The following EPHA3 variants were observed in gnomAD, a reference collection of about 807,000 sequenced individuals.
The protein encoded by EPHA3 is EPH receptor A3, also known as ephrin type-A receptor 3.
Under a neutral mutation model 107.1 loss-of-function variants are expected in EPHA3, and 42 were observed. The observed-to-expected ratio is 0.39, with a 90% CI of 0.31 to 0.51. EPHA3 has a LOEUF of 0.51. Among genes scored for constraint, EPHA3 ranks in the 20% least tolerant of loss-of-function variants. The probability of loss-of-function intolerance (pLI) is 0.78; values close to 1 mark genes in which losing one functional copy is unlikely to be tolerated. For missense variants in EPHA3, 1,183 were observed against 1,211.2 expected, an observed-to-expected ratio of 0.98 and a Z score of 0.35; for synonymous variants, 461 against 424.8, an observed-to-expected ratio of 1.09 and a Z score of -1.05.
At chr3:89,221,957 CAT>C (rs1172763045) in intron 3 of EPHA3, among the ~76,000 whole-genome samples, 2 of 152,048 alleles carry the variant, frequency 1.3e-5, no homozygotes, top group Non-Finnish European at 2.9e-5. Flanking sequence ...GCAAAAACCT[CAT>C]ATTAATTAGC....
At chr3:89,228,607 T>C (rs959110660) in intron 3 of EPHA3, among the ~76,000 whole-genome samples, 1 of 151,938 alleles carries the variant, frequency 6.6e-6, no homozygotes, top group Non-Finnish European at 1.5e-5. Context: ...TTATTAATTT[T>C]ATATATACAT....
chr3:89,372,211 A>G (rs571777512), intron 5 of EPHA3, among the ~76,000 whole-genome samples: 1 of 151,708 alleles, frequency 6.6e-6, no homozygotes, highest in Admixed American at 6.6e-5. Flanking sequence ...TGTACTGACA[A>G]GAAGGTAGGG....
At chr3:89,231,939 C>T (rs566526642) in intron 3 of EPHA3, among the ~76,000 whole-genome samples, 21 of 152,222 alleles carry the variant, frequency 1.4e-4, no homozygotes, top group African/African-American at 5.1e-4. Flanking sequence ...GTTTACTTAA[C>T]AAGGCTGTTA....
chr3:89,322,133 G>GGA (rs145525527), intron 3 of EPHA3, among the ~76,000 whole-genome samples: 13 of 149,860 alleles, frequency 8.7e-5, no homozygotes, highest in East Asian at 5.9e-4. Context: ...GAGGGGGGTT[G>GGA]GAGAGAGAGA....
intron 5 of EPHA3, among the ~76,000 whole-genome samples, chr3:89,359,247 A>G (rs1708034145): frequency 6.6e-6 from 1 of 151,058 alleles, no homozygotes; most frequent in African/African-American, 2.4e-5. Flanking sequence ...ATACCTGGCC[A>G]GAATTTGACA....
intron 13 of EPHA3, among the ~76,000 whole-genome samples, chr3:89,432,640 G>T (rs1431900431): frequency 6.6e-6 from 1 of 152,052 alleles, no homozygotes. Context: ...TAAAAAACAA[G>T]TAAATGTCTA....
chr3:89,275,035 G>A (rs956516268), intron 3 of EPHA3, among the ~76,000 whole-genome samples: 2 of 152,012 alleles, frequency 1.3e-5, no homozygotes, highest in African/African-American at 4.8e-5. Context: ...TGCTAATGAT[G>A]AAACTGAAGC....
chr3:89,331,175 A>T lies in EPHA3; in HGVS notation c.815-9741A>T, dbSNP rs527382305. On this transcript the variant is annotated intron_variant, in intron 3 of 16. Coordinates refer to ENST00000336596, the MANE Select transcript of EPHA3 (RefSeq NM_005233.6). ...TGCACGCACATGCACCCAAACCTCA[A>T]ATTATACAAACACACATATTCTTTG... Among the ~76,000 whole-genome samples, 112 of 152,280 alleles carry T rather than the reference A, an allele frequency of 7.4e-4. 1 individual carries two copies. Among genetic ancestry groups the T allele is most frequent in the African/African-American group, 2.7e-3 (111 of 41,556 alleles).
intron 11 of EPHA3, among the ~76,000 whole-genome samples, chr3:89,425,293 A>T (rs920761034): frequency 6.6e-5 from 10 of 151,464 alleles, no homozygotes; most frequent in African/African-American, 2.4e-4. Flanking sequence ...TCAGTTAGGT[A>T]TGATATGTGA....
At chr3:89,449,101 GA>G in intron 13 of EPHA3, 123 bp from the exon 14 acceptor site, 2 of 896,272 alleles carry the variant, frequency 2.2e-6, no homozygotes, top group Non-Finnish European at 3.1e-6. Context: ...ATGTTTCACA[GA>G]AATGCATATT....
At chr3:89,292,281 T>C (rs1445259365) in intron 3 of EPHA3, among the ~76,000 whole-genome samples, 1 of 152,270 alleles carries the variant, frequency 6.6e-6, no homozygotes, top group East Asian at 1.9e-4. Flanking sequence ...ACACAAATTT[T>C]AATATACAGT....
At chr3:89,301,141 A>C (rs1345124360) in intron 3 of EPHA3, among the ~76,000 whole-genome samples, 1 of 152,100 alleles carries the variant, frequency 6.6e-6, no homozygotes, top group Non-Finnish European at 1.5e-5. Context: ...TAGGGTTAAA[A>C]ATACATGAGT....
intron 10 of EPHA3, 71 bp from the exon 11 acceptor site, chr3:89,419,134 C>T (rs1709305521): frequency 1.4e-6 from 2 of 1,409,898 alleles, no homozygotes; most frequent in South Asian, 1.5e-5. Context: ...TGAAATAAAA[C>T]AGTTGCTCTC....
At chr3:89,225,117 G>GTTAA (rs2107214201) in intron 3 of EPHA3, among the ~76,000 whole-genome samples, 1 of 152,160 alleles carries the variant, frequency 6.6e-6, no homozygotes, top group Admixed American at 6.5e-5. Flanking sequence ...GAATAGCTAT[G>GTTAA]TTAAGATCTA....
chr3:89,108,875 T>C (rs1291718215), intron 1 of EPHA3, among the ~76,000 whole-genome samples: 1 of 152,200 alleles, frequency 6.6e-6, no homozygotes, highest in African/African-American at 2.4e-5. Context: ...TTTGAACTTA[T>C]AACAGTAACA....
At chr3:89,137,556 A>G (rs560328472) in intron 2 of EPHA3, among the ~76,000 whole-genome samples, 179 of 152,142 alleles carry the variant, frequency 1.2e-3, no homozygotes, top group African/African-American at 4.3e-3. Context: ...GCTATGATGT[A>G]TACAACATAA....
chr3:89,249,652 G>C (rs772119963), intron 3 of EPHA3, among the ~76,000 whole-genome samples: 13 of 151,946 alleles, frequency 8.6e-5, no homozygotes, highest in African/African-American at 2.4e-5. Context: ...GTAGAGACGA[G>C]GTTTCACCAC....
chr3:89,174,488 C>A (rs1473852526), intron 2 of EPHA3, among the ~76,000 whole-genome samples: 1 of 151,908 alleles, frequency 6.6e-6, no homozygotes, highest in Non-Finnish European at 1.5e-5. Context: ...CATTTCTAAG[C>A]AGCATGTGCA....
chr3:89,395,207 A>C (rs1708822936), intron 5 of EPHA3, among the ~76,000 whole-genome samples: 1 of 152,204 alleles, frequency 6.6e-6, no homozygotes, highest in South Asian at 2.1e-4. Flanking sequence ...GGTACCTCTC[A>C]TTAAGTATTT....
Sources: gnomAD v4.1 joint callset for allele counts (sites outside exome capture counted in the v4.1 genomes callset) on GRCh38, gnomAD v4.1.1 for gene constraint, MANE v1.5 for transcripts, NCBI Gene and HGNC (gene_info 2026-07-23, HGNC 2026-07-21) for gene names.